The following DHRS12 variants were observed in gnomAD, a reference collection of about 807,000 sequenced individuals.
DHRS12 encodes the protein dehydrogenase/reductase 12, also known as dehydrogenase/reductase SDR family member 12.
Under a neutral mutation model 32.1 loss-of-function variants are expected in DHRS12, and 29 were observed. The observed-to-expected ratio is 0.90, with a 90% confidence interval of 0.67 to 1.23. The LOEUF is 1.23. DHRS12 is among the 50% of genes most tolerant of loss of function. The pLI, the probability that DHRS12 is intolerant of heterozygous loss-of-function variation, is 0.00. For synonymous variants in DHRS12, 150 were observed against 135.9 expected, an observed-to-expected ratio of 1.10 and a Z score of -0.72; for missense variants, 330 against 337.2, an observed-to-expected ratio of 0.98 and a Z score of 0.17.
At chr13:51,766,391 G>A (rs1953749641), downstream of DHRS12, 1 of 152,208 alleles carries the variant, frequency 6.6e-6, no homozygotes, top group Non-Finnish European at 1.5e-5. Context: ...TCTGGACCTG[G>A]CTGCAGTGGG....
downstream of DHRS12, chr13:51,767,258 T>C (rs1001961438): frequency 3.3e-5 from 5 of 152,256 alleles, no homozygotes; most frequent in African/African-American, 7.2e-5. Flanking sequence ...ACACCCAGCA[T>C]TGCTGAGGCC....
chr13:51,765,794 C>A (rs778112579), downstream of DHRS12: 4 of 152,086 alleles, frequency 2.6e-5, no homozygotes, highest in Non-Finnish European at 5.9e-5. Flanking sequence ...AAAAAAAATT[C>A]TTTTTAAAGA....
intron 6 of DHRS12, among the ~76,000 whole-genome samples, chr13:51,772,472 A>T (rs964368675): frequency 6.6e-6 from 1 of 152,086 alleles, no homozygotes; most frequent in Non-Finnish European, 1.5e-5. Context: ...AAAATGCAAA[A>T]ATTAGCTGGG....
At chr13:51,781,943 C>T (rs764472865) in intron 4 of DHRS12, among the ~76,000 whole-genome samples, 1 of 152,132 alleles carries the variant, frequency 6.6e-6, no homozygotes, top group Non-Finnish European at 1.5e-5. Context: ...TCCACTACAT[C>T]ACAGTGACTG....
downstream of DHRS12, chr13:51,765,122 G>C (rs1462564321): frequency 2.0e-5 from 3 of 152,240 alleles, no homozygotes; most frequent in Non-Finnish European, 4.4e-5. Flanking sequence ...GGGAGACCTG[G>C]CCCTGTGGAG....
chr13:51,779,361 T>C (rs1042530275), intron 4 of DHRS12, among the ~76,000 whole-genome samples: 1 of 152,210 alleles, frequency 6.6e-6, no homozygotes, highest in African/African-American at 2.4e-5. Flanking sequence ...ACATCCTGTT[T>C]ATAACAACAA....
At chr13:51,759,407 T>A in the DHRS12 span, among the ~76,000 whole-genome samples, 1 of 152,214 alleles carries the variant, frequency 6.6e-6, no homozygotes, top group South Asian at 2.1e-4. Flanking sequence ...CTGCCTCAGA[T>A]GTAAACACAG....
At chr13:51,790,277 G>A (rs965148762) in intron 3 of DHRS12, among the ~76,000 whole-genome samples, 185 bp from the exon 4 acceptor site, 1 of 152,084 alleles carries the variant, frequency 6.6e-6, no homozygotes, top group Non-Finnish European at 1.5e-5. Context: ...AGAGGATTCA[G>A]CCACAGAACT....
intron 1 of DHRS12, among the ~76,000 whole-genome samples, chr13:51,800,031 C>G (rs1955681465): frequency 6.6e-6 from 1 of 152,102 alleles, no homozygotes; most frequent in African/African-American, 2.4e-5. Context: ...CTTAGGAGAC[C>G]ATTTGCATTG....
the DHRS12 span, chr13:51,759,913 C>G: frequency 1.2e-6 from 1 of 836,604 alleles, no homozygotes; most frequent in Non-Finnish European, 1.9e-6. Context: ...TACCCATGTG[C>G]ACAGTGGGGA....
At chr13:51,756,393 T>C in the DHRS12 span, 1 of 1,613,874 alleles carries the variant, frequency 6.2e-7, no homozygotes, top group African/African-American at 1.3e-5. Flanking sequence ...CGCTCCTCCA[T>C]CCCCCTGATG....
chr13:51,776,971 A>C (rs1291001754), intron 5 of DHRS12, 89 bp downstream of exon 5: 3 of 1,456,822 alleles, frequency 2.1e-6, no homozygotes, highest in East Asian at 2.3e-5. Context: ...TGGCCCCCTT[A>C]GGGCAGTCAG....
At position 51,771,703 on chromosome 13, in the gene DHRS12, A is replaced by G. The variant is rs930396864; in HGVS notation, c.559+118T>C. On this transcript the variant is annotated intron_variant, in intron 7 of 8. Transcript: ENST00000444610. The stretch of plus-strand genomic sequence containing the variant: ...CCCCTGCCTAAATGGAAATGAAGCT[A>G]CTCCTCAGTCCTCATTACGCTGGTT... 5 of 1,359,890 alleles carry G rather than the reference A, an allele frequency of 3.7e-6. No homozygotes were observed. The African/African-American group carries it at 5.8e-5, about 16-fold the overall frequency. The allele number at this position is 1,359,890 out of a possible 1,614,324, so 84.2% of individuals were successfully genotyped here.
rs1346580095 is a variant in DHRS12 at position 51,782,541 on chromosome 13, G to A, written c.302-5420C>T. 6.6e-6 allele frequency among the ~76,000 whole-genome samples: 1 copy of A among 152,178 alleles called. No individual in the cohort carries two copies. The highest frequency in any genetic ancestry group is 1.5e-5 in the Non-Finnish European group (1 of 68,038). ...TCATAGGTGACCTCAGCATGAGAGT[G>A]GCCAAAGGTCAGGGAGATAAGCCGA... is the stretch of plus-strand genomic sequence containing the variant. On this transcript the variant is annotated intron_variant, in intron 4 of 8. Transcript: ENST00000444610. The surrounding 1 kb of genome is among the most constrained non-coding windows in gnomAD (Gnocchi z 4.2).
chr13:51,757,636 T>TAA, the DHRS12 span, among the ~76,000 whole-genome samples: 4 of 142,740 alleles, frequency 2.8e-5, no homozygotes, highest in African/African-American at 1.0e-4. Flanking sequence ...TCTTCTTACT[T>TAA]AAAAAAAAAA....
chr13:51,798,026 A>G (rs1955586601), intron 2 of DHRS12: 3 of 1,042,310 alleles, frequency 2.9e-6, no homozygotes, highest in South Asian at 1.5e-5. Context: ...TTAAGCCTAG[A>G]TGGGTGGTTC....
intron 2 of DHRS12, among the ~76,000 whole-genome samples, chr13:51,794,519 G>A (rs776928625): frequency 1.9e-4 from 29 of 152,162 alleles, no homozygotes; most frequent in Non-Finnish European, 2.5e-4. Flanking sequence ...GTCGAAACCC[G>A]TTTTTTATCA....
chr13:51,758,064 A>G, the DHRS12 span: 1 of 478,112 alleles, frequency 2.1e-6, no homozygotes, highest in East Asian at 3.1e-5. Context: ...GGCAGATCTG[A>G]GGAGCATTCC....
At chr13:51,787,815 T>G (rs1371474928) in intron 4 of DHRS12, among the ~76,000 whole-genome samples, 1 of 129,966 alleles carries the variant, frequency 7.7e-6, no homozygotes, top group Non-Finnish European at 1.6e-5. Flanking sequence ...TATATATAAT[T>G]TATATATTAT....
Sources: allele counts gnomAD v4.1 joint callset (sites outside exome capture counted in the v4.1 genomes callset), GRCh38; gene constraint gnomAD v4.1.1; non-coding constraint Gnocchi (gnomAD v3.1); transcripts MANE v1.5; gene names NCBI Gene and HGNC (gene_info 2026-07-23, HGNC 2026-07-21).